The following GALNT13 variants were observed in gnomAD, a reference collection of about 807,000 sequenced individuals.
The protein encoded by GALNT13 is UDP-GalNAc:polypeptide N-acetylgalactosaminyltransferase 13.
Under a neutral mutation model 64.2 loss-of-function variants are expected in GALNT13, and 28 were observed. The observed-to-expected ratio is 0.44, with a 90% CI of 0.32 to 0.60. GALNT13 has a LOEUF of 0.60. GALNT13 is among the 20% of genes least tolerant of loss of function. GALNT13 has a pLI of 0.05. For missense variants in GALNT13, 577 were observed against 669.8 expected (o/e 0.86, Z 1.53); for synonymous variants, 214 against 224.6 (o/e 0.95, Z 0.42).
chr2:153,560,392 G>T, the GALNT13 span, among the ~76,000 whole-genome samples: 2 of 151,806 alleles, frequency 1.3e-5, no homozygotes, highest in Admixed American at 6.6e-5. Flanking sequence ...ATAGCGATAG[G>T]AATGAACGTG....
intron 3 of GALNT13, among the ~76,000 whole-genome samples, chr2:154,082,556 T>C (rs1364126234): frequency 6.6e-6 from 1 of 151,754 alleles, no homozygotes; most frequent in Non-Finnish European, 1.5e-5. Flanking sequence ...AAGGAACAAA[T>C]GATAAATATT....
chr2:153,937,876 A>T (rs577833202), intron 2 of GALNT13, among the ~76,000 whole-genome samples: 1 of 152,340 alleles, frequency 6.6e-6, no homozygotes, highest in East Asian at 1.9e-4. Context: ...TTTGACCGTG[A>T]CCTTATCACA....
chr2:153,948,237 G>A (rs867836876), intron 3 of GALNT13, among the ~76,000 whole-genome samples: 64 of 62,062 alleles, frequency 1.0e-3, no homozygotes, highest in African/African-American at 4.0e-3. Context: ...CAATTTAATG[G>A]GACTAAAAAA....
chr2:154,031,967 G>A (rs1361435030), intron 3 of GALNT13, among the ~76,000 whole-genome samples: 2 of 151,840 alleles, frequency 1.3e-5, no homozygotes, highest in African/African-American at 4.8e-5. Context: ...TGCAGCTAAA[G>A]CAACTCTTCA....
chr2:153,743,668 T>C, the GALNT13 span, among the ~76,000 whole-genome samples: 2 of 152,168 alleles, frequency 1.3e-5, no homozygotes, highest in Admixed American at 1.3e-4. Context: ...ACCCTCTGTG[T>C]TTCAAAATAT....
At chr2:154,280,831 G>T (rs1278750427) in intron 8 of GALNT13, among the ~76,000 whole-genome samples, 1 of 152,176 alleles carries the variant, frequency 6.6e-6, no homozygotes, top group African/African-American at 2.4e-5. Context: ...CATCAGACAT[G>T]GGAGAAGACC....
At chr2:154,024,506 C>T (rs960022315) in intron 3 of GALNT13, among the ~76,000 whole-genome samples, 4 of 152,162 alleles carry the variant, frequency 2.6e-5, no homozygotes, top group South Asian at 2.1e-4. Context: ...CGTCTGCATT[C>T]GTCACGTAGC....
the GALNT13 span, among the ~76,000 whole-genome samples, chr2:153,118,800 C>CT: frequency 6.6e-6 from 1 of 152,042 alleles, no homozygotes; most frequent in Non-Finnish European, 1.5e-5. Context: ...AAATTATTAT[C>CT]TTCATATTAT....
chr2:154,336,592 A>T (rs1193711102), intron 9 of GALNT13, among the ~76,000 whole-genome samples: 1 of 152,090 alleles, frequency 6.6e-6, no homozygotes, highest in East Asian at 1.9e-4. Flanking sequence ...TTAATTTTGA[A>T]TTCAGAAATC....
chr2:153,965,338 T>C (rs1693256908), intron 3 of GALNT13, among the ~76,000 whole-genome samples: 1 of 152,192 alleles, frequency 6.6e-6, no homozygotes, highest in Non-Finnish European at 1.5e-5. Flanking sequence ...ATTTTTCTTT[T>C]CTACCCCTAC....
the GALNT13 span, among the ~76,000 whole-genome samples, chr2:153,473,646 C>T: frequency 1.3e-5 from 2 of 152,156 alleles, no homozygotes; most frequent in African/African-American, 4.8e-5. Context: ...TTGCTGCTTC[C>T]ACAGGCTTTC....
chr2:153,404,230 C>A, the GALNT13 span, among the ~76,000 whole-genome samples: 1 of 152,082 alleles, frequency 6.6e-6, no homozygotes, highest in Non-Finnish European at 1.5e-5. Flanking sequence ...TTTTCCTGAA[C>A]AAAGACACGT....
At chr2:153,887,609 A>G (rs566143978) in intron 1 of GALNT13, among the ~76,000 whole-genome samples, 2 of 152,018 alleles carry the variant, frequency 1.3e-5, no homozygotes, top group Admixed American at 6.6e-5. Flanking sequence ...ATTATACACA[A>G]TGCTAAACAA....
the GALNT13 span, among the ~76,000 whole-genome samples, chr2:153,118,525 A>T: frequency 6.6e-6 from 1 of 152,200 alleles, no homozygotes; most frequent in Admixed American, 6.5e-5. Context: ...TCCACCCACT[A>T]TTATTATTAG....
the GALNT13 span, among the ~76,000 whole-genome samples, chr2:153,309,846 A>G: frequency 6.6e-6 from 1 of 152,190 alleles, no homozygotes; most frequent in South Asian, 2.1e-4. Context: ...TCTGTGACTC[A>G]ACACTTATCT....
At chr2:153,538,367 A>AT in the GALNT13 span, among the ~76,000 whole-genome samples, 29 of 93,998 alleles carry the variant, frequency 3.1e-4, no homozygotes, top group African/African-American at 9.5e-4. Context: ...TTTTTATTTT[A>AT]TTTATTTTAT....
chr2:154,154,534 T>C (rs1173138368), intron 4 of GALNT13, among the ~76,000 whole-genome samples: 2 of 152,186 alleles, frequency 1.3e-5, no homozygotes, highest in Admixed American at 6.5e-5. Context: ...AAAGGTATTA[T>C]AGATAAGAGA....
chr2:154,289,589 A>G (rs951183304), intron 8 of GALNT13, among the ~76,000 whole-genome samples: 9 of 152,126 alleles, frequency 5.9e-5, no homozygotes, highest in Admixed American at 4.6e-4. Flanking sequence ...ACCCACCCCC[A>G]TGATTCAATT....
chr2:153,746,516 A>T, the GALNT13 span, among the ~76,000 whole-genome samples: 6 of 152,276 alleles, frequency 3.9e-5, 1 homozygote, highest in South Asian at 8.3e-4. Context: ...TTTATTTGGC[A>T]TATATGCCAC....
Sources: gnomAD v4.1 joint callset for allele counts (sites outside exome capture counted in the v4.1 genomes callset) on GRCh38, gnomAD v4.1.1 for gene constraint, MANE v1.5 for transcripts, NCBI Gene and HGNC (gene_info 2026-07-23, HGNC 2026-07-21) for gene names.